Variants in KAZN observed in about 807,000 individuals in gnomAD.
KAZN encodes the protein kazrin, periplakin interacting protein, also known as kazrin.
A neutral mutation model predicts 87.4 loss-of-function variants in KAZN; 40 were observed. The observed-to-expected ratio is 0.46, with a 90% CI of 0.36 to 0.60. The LOEUF (loss-of-function observed/expected upper bound fraction) is 0.60. Among genes scored for constraint, KAZN ranks in the 20% least tolerant of loss-of-function variants. KAZN has a pLI of 0.00. For synonymous variants in KAZN, 466 were observed against 458.3 expected, an observed-to-expected ratio of 1.02 and a Z score of -0.22; for missense variants, 898 against 1,073.9, an observed-to-expected ratio of 0.84 and a Z score of 2.29.
At chr1:15,019,103 G>A (rs1670411965) in intron 2 of KAZN, among the ~76,000 whole-genome samples, 1 of 152,152 alleles carries the variant, frequency 6.6e-6, no homozygotes, top group South Asian at 2.1e-4. Context: ...TCTGTGAGAG[G>A]ACCTGGCATG....
chr1:14,347,264 T>G (rs865795460), intron 2 of KAZN, among the ~76,000 whole-genome samples: 3 of 152,192 alleles, frequency 2.0e-5, no homozygotes, highest in Non-Finnish European at 4.4e-5. Context: ...ACCATGAGCA[T>G]GCTCCCAAGG....
intron 1 of KAZN, among the ~76,000 whole-genome samples, chr1:14,176,634 C>T (rs1008621339): frequency 5.9e-5 from 9 of 152,180 alleles, no homozygotes; most frequent in African/African-American, 2.2e-4. Context: ...ATTGTGGAGT[C>T]TTCCCATGCA....
chr1:14,357,071 T>C (rs1659095148), intron 2 of KAZN, among the ~76,000 whole-genome samples: 2 of 152,182 alleles, frequency 1.3e-5, no homozygotes, highest in South Asian at 2.1e-4. Flanking sequence ...TGGAATGTTT[T>C]TCCATTTGTT....
intron 1 of KAZN, among the ~76,000 whole-genome samples, chr1:14,126,039 A>G (rs886204805): frequency 2.0e-5 from 3 of 151,962 alleles, no homozygotes; most frequent in Non-Finnish European, 4.4e-5. Flanking sequence ...GGTTTGTTGT[A>G]AGTGGAAGGT....
rs1479803923 is a variant in KAZN at position 15,065,711 on chromosome 1, A to G, written c.1180A>G (p.Arg394Gly). The stretch of plus-strand genomic sequence containing the variant: ...CGGCTCCATCTCCCGCGTCTTCGCC[A>G]GAGGGAAGCAGCGGAAGTCCCTCGA... ...GFGSISRVFA[R>G]GKQRKSLDPG... is the part of the protein sequence containing the mutation. The change falls in exon 8 of 15, where the codon AGA becomes GGA. Residue 394 changes from arginine (R) to glycine (G), a missense_variant. By Grantham distance (125) the Arg-to-Gly change is moderately radical. This residue lies in a region of KAZN where 521 missense variants were observed against 689.4 expected (regional missense o/e 0.76). Coordinates refer to ENST00000376030, the MANE Select transcript of KAZN (RefSeq NM_201628.3). 1 of 1,614,266 alleles carries G rather than the reference A, an allele frequency of 6.2e-7. No individual in the cohort carries two copies.
chr1:14,649,465 G>T (rs571206674), intron 1 of KAZN, among the ~76,000 whole-genome samples: 11 of 152,026 alleles, frequency 7.2e-5, no homozygotes, highest in African/African-American at 2.7e-4. Flanking sequence ...AATGGCTAAC[G>T]GTTCACGTTA....
chr1:14,328,404 T>TCTTGA (rs142005705), intron 2 of KAZN, among the ~76,000 whole-genome samples: 5,345 of 152,142 alleles, frequency 0.035, 339 homozygotes, highest in African/African-American at 0.12. Flanking sequence ...ACGCATGCAT[T>TCTTGA]CTTAAGAAAC....
chr1:15,007,020 GCACTC>G (rs1212389056), intron 2 of KAZN, among the ~76,000 whole-genome samples: 4 of 133,742 alleles, frequency 3.0e-5, no homozygotes, highest in Non-Finnish European at 4.5e-5. Context: ...TCGCGCCACT[GCACTC>G]CAGCCTGGGT....
intron 8 of KAZN, among the ~76,000 whole-genome samples, chr1:15,082,213 C>G (rs1378122156): frequency 1.3e-5 from 2 of 152,094 alleles, no homozygotes; most frequent in Admixed American, 6.5e-5. Context: ...ACAGGCCCAG[C>G]CAGGTGCAGG....
intron 1 of KAZN, among the ~76,000 whole-genome samples, chr1:14,766,925 CAG>C (rs1644900115): frequency 6.6e-6 from 1 of 151,920 alleles, no homozygotes; most frequent in South Asian, 2.1e-4. Flanking sequence ...GGAGCTACAA[CAG>C]AGAAATATAT....
intron 1 of KAZN, among the ~76,000 whole-genome samples, chr1:14,655,863 C>T (rs1638759697): frequency 6.6e-6 from 1 of 152,140 alleles, no homozygotes; most frequent in Non-Finnish European, 1.5e-5. Flanking sequence ...GGACCCAGAG[C>T]CAGCAAATGA....
Position 14,084,164 on chromosome 1 carries a change from G to A in KAZN, c.92-96271G>A, listed in dbSNP as rs145866256. Among the ~76,000 whole-genome samples the A allele has an allele frequency of 6.6e-3, 1,002 of 152,256 alleles. 10 individuals are homozygous for A. The South Asian group carries it at 0.066, about 10-fold the overall frequency. On this transcript the variant is annotated intron_variant, in intron 1 of 16. Coordinates refer to the KAZN transcript ENST00000636203. Reference sequence around the variant, plus strand: ...ATAGTGTGGTCAGATGGAGAGAAGCGGGAAGGTCTGGGGACGATCAGAAGG... The same window carrying A: ...ATAGTGTGGTCAGATGGAGAGAAGCAGGAAGGTCTGGGGACGATCAGAAGG...
At chr1:14,210,800 G>A (rs1053139504) in intron 2 of KAZN, among the ~76,000 whole-genome samples, 2 of 152,048 alleles carry the variant, frequency 1.3e-5, no homozygotes, top group African/African-American at 2.4e-5. Flanking sequence ...TGAGAAGAAT[G>A]TCATTATGGT....
intron 1 of KAZN, among the ~76,000 whole-genome samples, chr1:14,801,401 A>T (rs1474561322): frequency 6.6e-6 from 1 of 152,176 alleles, no homozygotes; most frequent in Non-Finnish European, 1.5e-5. Flanking sequence ...GTGAGGGGTC[A>T]GGCAGGTGAC....
At chr1:14,969,297 T>C (rs1664775124) in intron 2 of KAZN, among the ~76,000 whole-genome samples, 1 of 152,270 alleles carries the variant, frequency 6.6e-6, no homozygotes, top group Admixed American at 6.5e-5. Context: ...CCGCACTCCA[T>C]TCTTAGTCTC....
In KAZN at chr1:14,107,559, G is replaced by A. The variant is rs1026050890; in HGVS notation, c.92-72876G>A. Reference sequence around the variant, plus strand: ...ACCTTAAGGAAGAACACCATATGGCGTGTGGCTCCACGTTCCAGTGTTGCA... The same window carrying A: ...ACCTTAAGGAAGAACACCATATGGCATGTGGCTCCACGTTCCAGTGTTGCA... On this transcript the variant is annotated intron_variant, in intron 1 of 16. Transcript: ENST00000636203. Among the ~76,000 whole-genome samples the A allele has an allele frequency of 7.9e-5, 12 of 152,142 alleles. No homozygotes were observed. In the East Asian group the frequency reaches 9.6e-4, roughly 12 times the overall value.
intron 1 of KAZN, among the ~76,000 whole-genome samples, chr1:13,902,981 G>A (rs550053237): frequency 6.6e-6 from 1 of 152,220 alleles, no homozygotes; most frequent in Non-Finnish European, 1.5e-5. Flanking sequence ...GGCTCAGCCC[G>A]TGATGGGAAC....
rs191212307 is a variant in KAZN, at chr1:14,923,598, G to A, written c.227-37086G>A. Among the ~76,000 whole-genome samples, 403 of 152,372 alleles carry A rather than the reference G, an allele frequency of 2.6e-3. 3 individuals carry two copies. Among genetic ancestry groups the A allele is most frequent in the Non-Finnish European group, 3.2e-3 (219 of 68,038 alleles). ...GAAACTGAGGCTGGGGAAGTGAGGTGAAGTCACAGGGCCTCCCACCAGATC... is the reference window on the plus strand; with the variant it reads ...GAAACTGAGGCTGGGGAAGTGAGGTAAAGTCACAGGGCCTCCCACCAGATC... On this transcript the variant is annotated intron_variant, in intron 1 of 14. Coordinates refer to ENST00000376030, the MANE Select transcript of KAZN (RefSeq NM_201628.3). The surrounding 1 kb of genome is among the most constrained non-coding windows in gnomAD (Gnocchi z 4.2).
chr1:14,976,879 C>T (rs1665688853), intron 2 of KAZN, among the ~76,000 whole-genome samples: 1 of 152,050 alleles, frequency 6.6e-6, no homozygotes, highest in South Asian at 2.1e-4. Flanking sequence ...GTGGTGAAAC[C>T]CTGTCTCTAC....
Sources: gnomAD v4.1 joint callset for allele counts (sites outside exome capture counted in the v4.1 genomes callset) on GRCh38, gnomAD v4.1.1 for gene constraint, gnomAD v4.1.1 regional missense constraint, Gnocchi (gnomAD v3.1) non-coding constraint, MANE v1.5 for transcripts, NCBI Gene and HGNC (gene_info 2026-07-23, HGNC 2026-07-21) for gene names.